Variants in GRIK2 observed in about 807,000 individuals in gnomAD.
The protein encoded by GRIK2 is glutamate receptor ionotropic, kainate 2.
GRIK2 carries 32 observed loss-of-function variants against 100.3 expected under a neutral mutation model. The ratio of observed to expected loss-of-function variants is 0.32; its 90% CI spans 0.24 to 0.43. GRIK2 has a LOEUF of 0.43. Among genes scored for constraint, GRIK2 ranks in the 20% least tolerant of loss-of-function variants. The pLI is 1.00. For missense variants in GRIK2, 843 were observed against 1,114.9 expected, an observed-to-expected ratio of 0.76 and a Z score of 3.47; for synonymous variants, 417 against 389.4, an observed-to-expected ratio of 1.07 and a Z score of -0.83.
intron 9 of GRIK2, among the ~76,000 whole-genome samples, chr6:101,806,822 A>T (rs1298447566): frequency 6.6e-6 from 1 of 151,648 alleles, no homozygotes; most frequent in African/African-American, 2.4e-5. Context: ...ATCAAGTTTA[A>T]ATTTCTCCTA....
chr6:101,842,823 T>A (rs767388318), intron 10 of GRIK2, among the ~76,000 whole-genome samples: 18 of 152,160 alleles, frequency 1.2e-4, no homozygotes, highest in Non-Finnish European at 2.2e-4. Flanking sequence ...TTGAGTGGGA[T>A]GTGGGTAGAA....
chr6:101,488,591 A>G (rs1772947860), intron 2 of GRIK2, among the ~76,000 whole-genome samples: 1 of 146,520 alleles, frequency 6.8e-6, no homozygotes, highest in Non-Finnish European at 1.5e-5. Flanking sequence ...TTGGTTTTGC[A>G]GGAACCTGAT....
chr6:101,598,948 G>T (rs1582800365), intron 2 of GRIK2, among the ~76,000 whole-genome samples: 1 of 151,426 alleles, frequency 6.6e-6, no homozygotes, highest in Admixed American at 6.6e-5. Context: ...ATGAGTGTAT[G>T]TGGAGGTTTG....
At chr6:101,870,999 T>G (rs1785379796) in intron 11 of GRIK2, among the ~76,000 whole-genome samples, 1 of 151,870 alleles carries the variant, frequency 6.6e-6, no homozygotes, top group African/African-American at 2.4e-5. Flanking sequence ...AAATCAGAAT[T>G]TTTACCAATT....
intron 13 of GRIK2, among the ~76,000 whole-genome samples, chr6:101,926,364 G>A (rs908461299): frequency 1.7e-4 from 26 of 151,922 alleles, no homozygotes; most frequent in Admixed American, 2.6e-4. Flanking sequence ...ACTGCTAGTC[G>A]TCTGTTAATA....
At chr6:101,561,573 TA>T (rs1038484423) in intron 2 of GRIK2, among the ~76,000 whole-genome samples, 7 of 152,104 alleles carry the variant, frequency 4.6e-5, no homozygotes, top group Admixed American at 4.6e-4. Context: ...ATTTGGTCAT[TA>T]CACATTGTGT....
At chr6:101,762,168 G>GTCTCTGTCTCTGTCTC (rs765235888) in intron 7 of GRIK2, among the ~76,000 whole-genome samples, 17 of 121,838 alleles carry the variant, frequency 1.4e-4, no homozygotes, top group African/African-American at 5.7e-4. Context: ...CTCTGTCTCT[G>GTCTCTGTCTCTGTCTC]TCTCTCTCTC....
chr6:101,784,318 C>T (rs76354715), intron 7 of GRIK2, among the ~76,000 whole-genome samples: 6,986 of 152,304 alleles, frequency 0.046, 192 homozygotes, highest in Non-Finnish European at 0.057. Context: ...AGGTACAGCT[C>T]GGGCTGTTGC....
At chr6:101,411,865 T>C (rs143868771) in intron 2 of GRIK2, among the ~76,000 whole-genome samples, 40 of 152,232 alleles carry the variant, frequency 2.6e-4, no homozygotes, top group African/African-American at 8.7e-4. Flanking sequence ...TCTAATATGA[T>C]GTATGGTTGT....
At chr6:101,905,806 T>C (rs748147875) in intron 12 of GRIK2, among the ~76,000 whole-genome samples, 1 of 151,426 alleles carries the variant, frequency 6.6e-6, no homozygotes, top group Non-Finnish European at 1.5e-5. Context: ...TTCTAATATG[T>C]ATATATTTGG....
chr6:101,773,591 C>T (rs1448749263), intron 7 of GRIK2, among the ~76,000 whole-genome samples: 1 of 150,646 alleles, frequency 6.6e-6, no homozygotes, highest in Non-Finnish European at 1.5e-5. Flanking sequence ...ATTTAAAAAA[C>T]AAAACCAAAA....
At chr6:101,649,149 G>A (rs545382637) in intron 4 of GRIK2, among the ~76,000 whole-genome samples, 27 of 152,064 alleles carry the variant, frequency 1.8e-4, no homozygotes, top group Admixed American at 7.9e-4. Flanking sequence ...CATTCTCTCC[G>A]GAAGCTTCCT....
intron 7 of GRIK2, among the ~76,000 whole-genome samples, chr6:101,789,320 T>G (rs918761552): frequency 1.3e-5 from 2 of 152,134 alleles, no homozygotes; most frequent in Admixed American, 1.3e-4. Context: ...GATTTTCTTT[T>G]GGGTTTTTAT....
chr6:101,654,193 C>A (rs1228129082), intron 4 of GRIK2, among the ~76,000 whole-genome samples: 2 of 152,006 alleles, frequency 1.3e-5, no homozygotes, highest in African/African-American at 2.4e-5. Context: ...ATGAGTGGGG[C>A]TTAGAGTTCA....
chr6:101,782,689 A>G (rs1779171267), intron 7 of GRIK2, among the ~76,000 whole-genome samples: 14 of 152,070 alleles, frequency 9.2e-5, no homozygotes, highest in Admixed American at 9.2e-4. Context: ...TATCCCTTTG[A>G]TATACTGATT....
intron 7 of GRIK2, among the ~76,000 whole-genome samples, chr6:101,688,069 AAAT>A (rs1771833377): frequency 6.8e-6 from 1 of 147,102 alleles, no homozygotes; most frequent in Non-Finnish European, 1.5e-5. Context: ...TAATATATAA[AAAT>A]ATTTATTATA....
intron 10 of GRIK2, among the ~76,000 whole-genome samples, chr6:101,835,220 A>T (rs1047241680): frequency 6.6e-6 from 1 of 152,192 alleles, no homozygotes; most frequent in East Asian, 1.9e-4. Flanking sequence ...CATTGGTTTA[A>T]CTTTGGTTTT....
At chr6:101,476,189 A>G (rs570627231) in intron 2 of GRIK2, among the ~76,000 whole-genome samples, 1 of 152,232 alleles carries the variant, frequency 6.6e-6, no homozygotes, top group African/African-American at 2.4e-5. Flanking sequence ...GGATTCAGCT[A>G]CTGTGTGTTC....
chr6:101,833,254 C>T (rs1007264541), intron 10 of GRIK2, among the ~76,000 whole-genome samples: 5 of 151,970 alleles, frequency 3.3e-5, no homozygotes, highest in Non-Finnish European at 5.9e-5. Context: ...TGTTTTGAGA[C>T]GGAGTCTTGC....
Sources: allele counts gnomAD v4.1 joint callset (sites outside exome capture counted in the v4.1 genomes callset), GRCh38; gene constraint gnomAD v4.1.1; transcripts MANE v1.5; gene names NCBI Gene and HGNC (gene_info 2026-07-23, HGNC 2026-07-21).